The following MAPK9 variants were observed in gnomAD, a reference collection of about 807,000 sequenced individuals.
The protein encoded by MAPK9 is Jun kinase.
In MAPK9, 30 loss-of-function variants were observed where a neutral mutation model predicts 57.1. That is an observed-to-expected ratio of 0.53 (90% CI 0.39 to 0.71). The LOEUF is 0.71. MAPK9 is among the 30% of genes least tolerant of loss of function. The probability of loss-of-function intolerance (pLI) is 0.00; values close to 1 mark genes in which losing one functional copy is unlikely to be tolerated. For synonymous variants in MAPK9, 155 were observed against 177.0 expected (o/e 0.88, Z 0.99); for missense variants, 362 against 521.0 (o/e 0.69, Z 2.97).
chr5:180,254,971 T>G (rs918625265), intron 5 of MAPK9, among the ~76,000 whole-genome samples: 1 of 151,970 alleles, frequency 6.6e-6, no homozygotes, highest in Non-Finnish European at 1.5e-5. Context: ...GAGGCAGAGT[T>G]TGCACTGAGC....
chr5:180,274,244 C>T (rs937252935), intron 2 of MAPK9, among the ~76,000 whole-genome samples: 2 of 152,032 alleles, frequency 1.3e-5, no homozygotes. Context: ...CTATATGCTG[C>T]TAGTATATAA....
At chr5:180,241,279 A>T in intron 8 of MAPK9, 124 bp from the exon 9 acceptor site, 2 of 1,062,172 alleles carry the variant, frequency 1.9e-6, no homozygotes, top group Non-Finnish European at 1.3e-6. Flanking sequence ...AATGTTTGAT[A>T]GGTTCAAGAT....
intron 4 of MAPK9, among the ~76,000 whole-genome samples, chr5:180,263,872 A>AT (rs1158481918): frequency 6.6e-6 from 1 of 151,632 alleles, no homozygotes; most frequent in Non-Finnish European, 1.5e-5. Context: ...CGCCCGGCTG[A>AT]TTTTTTGTAT....
At position 180,264,773 on chromosome 5, in the gene MAPK9, ATACT is replaced by A. The variant is rs1185007057; in HGVS notation, c.311+4_311+7del. 5 of 1,567,050 alleles carry A rather than the reference ATACT, an allele frequency of 3.2e-6. No individual in the cohort carries two copies. Among genetic ancestry groups the A allele is most frequent in the African/African-American group, 1.4e-5 (1 of 73,074 alleles). On this transcript the variant is annotated splice_donor_5th_base_variant and intron_variant, in intron 4 of 11. Transcript: ENST00000452135. ...TACAGTGCATTACTGAATAAAAATG[ATACT>A]TACACATCTTGAAATTCTTCTAGAG... is the stretch of plus-strand genomic sequence containing the variant.
chr5:180,241,344 G>A (rs376117726), intron 8 of MAPK9, among the ~76,000 whole-genome samples, 189 bp from the exon 9 acceptor site: 120 of 148,392 alleles, frequency 8.1e-4, no homozygotes, highest in African/African-American at 2.7e-3. Flanking sequence ...TCGCTCTGTC[G>A]CCCAATGCAG....
chr5:180,270,868 A>AAAAAAAAAG (rs1466941482), intron 2 of MAPK9, among the ~76,000 whole-genome samples: 1 of 137,566 alleles, frequency 7.3e-6, no homozygotes, highest in African/African-American at 3.1e-5. Flanking sequence ...CAAAAAAAAA[A>AAAAAAAAAG]AAAAAGAAAA....
intron 5 of MAPK9, among the ~76,000 whole-genome samples, chr5:180,252,696 T>G (rs1182339334): frequency 6.6e-6 from 1 of 152,116 alleles, no homozygotes; most frequent in Non-Finnish European, 1.5e-5. Flanking sequence ...AGACGGCCAC[T>G]GGGTGGCCTG....
intron 2 of MAPK9, among the ~76,000 whole-genome samples, chr5:180,273,292 A>G (rs1470361478): frequency 6.6e-6 from 1 of 152,010 alleles, no homozygotes; most frequent in Non-Finnish European, 1.5e-5. Context: ...ATCTTCTCAC[A>G]TCTATGCTTA....
At chr5:180,272,562 C>T (rs1031967221) in intron 2 of MAPK9, among the ~76,000 whole-genome samples, 1 of 152,206 alleles carries the variant, frequency 6.6e-6, no homozygotes, top group African/African-American at 2.4e-5. Flanking sequence ...CACTTTCTTG[C>T]TTTACCAGCT....
chr5:180,242,798 T>C lies in MAPK9; in HGVS notation c.689-43A>G, dbSNP rs377252321. 4.6e-5 allele frequency: 69 copies of C among 1,502,724 alleles called. 1 individual carries two copies. In the South Asian group the frequency reaches 6.0e-4, roughly 13 times the overall value. The allele number at this position is 1,502,724 out of a possible 1,614,324, so 93.1% of individuals were successfully genotyped here. A position where few individuals can be genotyped will look rare whatever the true frequency, so the allele number is the denominator to read the frequency against. ...GAAAATACAACTGAAGTACCTTGTA[T>C]TCACAGTACATGCGGCAGCATCACT... On this transcript the variant is annotated intron_variant, in intron 7 of 11. Coordinates refer to ENST00000452135, the MANE Select transcript of MAPK9 (RefSeq NM_002752.5).
At chr5:180,256,863 A>G (rs1759346808) in intron 5 of MAPK9, among the ~76,000 whole-genome samples, 1 of 152,218 alleles carries the variant, frequency 6.6e-6, no homozygotes, top group Admixed American at 6.5e-5. Flanking sequence ...TATAAAATGA[A>G]TAAGGCCTAA....
chr5:180,267,802 A>G (rs1277512502), intron 3 of MAPK9, among the ~76,000 whole-genome samples: 1 of 134,648 alleles, frequency 7.4e-6, no homozygotes, highest in Non-Finnish European at 1.5e-5. Context: ...ACAGAATGAG[A>G]CCCTGTCTCA....
In MAPK9 at chr5:180,233,243, A is replaced by C. The variant is rs1016578159; in HGVS notation, c.*3141T>G. 6.6e-6 allele frequency: 1 copy of C among 152,252 alleles called. No homozygotes were observed. The highest frequency in any genetic ancestry group is 1.5e-5 in the Non-Finnish European group (1 of 68,066). 9.4% of individuals were successfully genotyped at this position (152,252 alleles called of 1,614,324 possible). ...TCATCCCAGGCACAAAGCCACAAGC[A>C]CCATGAATGACGTTAAGTAACATGA... On this transcript the variant is annotated 3_prime_UTR_variant, in exon 12 of 12. Transcript: ENST00000452135.
In MAPK9 at chr5:180,276,429, GAGAA is replaced by G. The variant is rs1761825171; in HGVS notation, c.122+4007_122+4010del. 2.0e-5 allele frequency among the ~76,000 whole-genome samples: 3 copies of G among 152,084 alleles called. No homozygotes were observed. In the South Asian group the frequency reaches 6.2e-4, roughly 32 times the overall value. ...TTGGCCAAACTTGAGATTTTTGAAG[GAGAA>G]AGAAAAACTGAATATATGTATGAAA... On this transcript the variant is annotated intron_variant, in intron 2 of 11. Transcript: ENST00000452135.
At chr5:180,277,445 C>T (rs183641414) in intron 2 of MAPK9, among the ~76,000 whole-genome samples, 1 of 152,304 alleles carries the variant, frequency 6.6e-6, no homozygotes, top group African/African-American at 2.4e-5. Context: ...ACCTTCCTGT[C>T]TCCCTTTTGT....
chr5:180,242,462 C>A (rs1448812410), intron 8 of MAPK9, 111 bp downstream of exon 8: 8 of 977,626 alleles, frequency 8.2e-6, no homozygotes, highest in African/African-American at 1.6e-5. Flanking sequence ...AGACTTCAGG[C>A]CTAAAATGAC....
chr5:180,264,296 T>C (rs1760308327), intron 4 of MAPK9, among the ~76,000 whole-genome samples: 1 of 152,186 alleles, frequency 6.6e-6, no homozygotes, highest in South Asian at 2.1e-4. Flanking sequence ...TATTTGTTAA[T>C]GACTGAACAC....
At position 180,261,776 on chromosome 5, in the gene MAPK9, G is replaced by A; in HGVS notation, c.358C>T (p.His120Tyr). The change falls in exon 5 of 12, where the codon CAC becomes TAC. Residue 120 changes from histidine (H) to tyrosine (Y), a missense_variant. This residue lies in a region of MAPK9 where 127 missense variants were observed against 231.7 expected (regional missense o/e 0.55). Coordinates refer to ENST00000452135, the MANE Select transcript of MAPK9 (RefSeq NM_002752.5). ...ATTCTTTCATGATCCAGCTCCATGTGAATAACCTGACATAAGTTAGCATCC... is the reference window on the plus strand; with the variant it reads ...ATTCTTTCATGATCCAGCTCCATGTAAATAACCTGACATAAGTTAGCATCC... ...LMDANLCQVI[H>Y]MELDHERMSY... is the part of the protein sequence containing the mutation. 6.2e-7 allele frequency: 1 copy of A among 1,612,776 alleles called. No homozygotes were observed. Among genetic ancestry groups the A allele is most frequent in the Non-Finnish European group, 8.5e-7 (1 of 1,179,228 alleles).
chr5:180,234,584 T>G lies in MAPK9; in HGVS notation c.*1800A>C, dbSNP rs1457078743. On this transcript the variant is annotated 3_prime_UTR_variant, in exon 12 of 12. Coordinates refer to ENST00000452135, the MANE Select transcript of MAPK9 (RefSeq NM_002752.5). ...CTCGCGCATTTTCAACCTCTCCCTTTTGTTTTTCCTTTTAAAGATAGATTT... is the reference window on the plus strand; with the variant it reads ...CTCGCGCATTTTCAACCTCTCCCTTGTGTTTTTCCTTTTAAAGATAGATTT... The G allele has an allele frequency of 6.6e-6, 1 of 152,172 alleles. No homozygotes were observed. Among genetic ancestry groups the G allele is most frequent in the Admixed American group, 6.5e-5 (1 of 15,288 alleles). 9.4% of individuals were successfully genotyped at this position (152,172 alleles called of 1,614,324 possible).
Sources: gnomAD v4.1 joint callset for allele counts (sites outside exome capture counted in the v4.1 genomes callset) on GRCh38, gnomAD v4.1.1 for gene constraint, gnomAD v4.1.1 regional missense constraint, MANE v1.5 for transcripts, NCBI Gene and HGNC (gene_info 2026-07-23, HGNC 2026-07-21) for gene names.